The following PARP8 variants were observed in gnomAD, a reference collection of about 807,000 sequenced individuals.
PARP8 encodes the protein poly(ADP-ribose) polymerase family member 8, also known as protein mono-ADP-ribosyltransferase PARP8.
PARP8 carries 51 observed loss-of-function variants against 124.1 expected under a neutral mutation model. The observed-to-expected ratio is 0.41, with a 90% CI of 0.33 to 0.52. The LOEUF (loss-of-function observed/expected upper bound fraction) is 0.52, where lower values mean the gene tolerates loss of function less well. PARP8 is among the 20% of genes least tolerant of loss of function. PARP8 has a pLI of 0.21. For missense variants in PARP8, 860 were observed against 1,018.9 expected (o/e 0.84, Z 2.12); for synonymous variants, 391 against 361.5 (o/e 1.08, Z -0.93).
chr5:50,751,204 A>G (rs1029564816), intron 3 of PARP8, among the ~76,000 whole-genome samples: 5 of 152,136 alleles, frequency 3.3e-5, no homozygotes, highest in Non-Finnish European at 7.4e-5. Context: ...AGATGCCTTT[A>G]GTAAACCAAG....
chr5:50,834,673 T>C (rs770246709), intron 24 of PARP8, among the ~76,000 whole-genome samples: 2 of 152,192 alleles, frequency 1.3e-5, no homozygotes, highest in Non-Finnish European at 2.9e-5. Context: ...AGTCAGGACC[T>C]ATCTGCTTTT....
chr5:50,747,601 A>G (rs1758730682), intron 2 of PARP8, among the ~76,000 whole-genome samples: 1 of 151,844 alleles, frequency 6.6e-6, no homozygotes, highest in African/African-American at 2.4e-5. Flanking sequence ...CTTCTTCCTG[A>G]CGAACTGACA....
intron 2 of PARP8, among the ~76,000 whole-genome samples, chr5:50,746,304 A>G (rs1002769356): frequency 1.3e-5 from 2 of 152,188 alleles, no homozygotes; most frequent in Non-Finnish European, 2.9e-5. Context: ...GTCTCTAAAA[A>G]AGGTAGCACA....
chr5:50,722,153 T>A (rs995410641), intron 2 of PARP8, among the ~76,000 whole-genome samples: 1 of 152,116 alleles, frequency 6.6e-6, no homozygotes, highest in Non-Finnish European at 1.5e-5. Context: ...TTGAGAAAGT[T>A]TTAAGGCTTA....
chr5:50,748,147 A>AT (rs1327231173), intron 2 of PARP8, among the ~76,000 whole-genome samples: 1 of 151,344 alleles, frequency 6.6e-6, no homozygotes, highest in Non-Finnish European at 1.5e-5. Context: ...ATCCAAAATG[A>AT]TTTTTAGAAT....
chr5:50,802,207 C>T (rs1743303776), intron 14 of PARP8, among the ~76,000 whole-genome samples: 1 of 152,028 alleles, frequency 6.6e-6, no homozygotes. Flanking sequence ...TCTAGTGTAC[C>T]ATTTTAATTC....
intron 22 of PARP8, among the ~76,000 whole-genome samples, chr5:50,830,819 C>CGTGTGT (rs10611893): frequency 6.0e-4 from 89 of 147,940 alleles, no homozygotes; most frequent in East Asian, 1.8e-3. Flanking sequence ...TGTGCTCATG[C>CGTGTGT]GTGTGTGTGT....
intron 2 of PARP8, among the ~76,000 whole-genome samples, chr5:50,716,278 A>G (rs1339327375): frequency 6.6e-6 from 1 of 152,148 alleles, no homozygotes; most frequent in African/African-American, 2.4e-5. Flanking sequence ...GATATAGGGT[A>G]GTTCTGATTA....
intron 3 of PARP8, among the ~76,000 whole-genome samples, chr5:50,750,919 G>GA (rs35296988): frequency 0.51 from 77,655 of 151,880 alleles, 22,560 homozygotes; most frequent in East Asian, 0.64. Context: ...GTATTTATAA[G>GA]AAAAATACTT....
chr5:50,784,482 C>T (rs1741018805), intron 9 of PARP8, among the ~76,000 whole-genome samples: 1 of 152,098 alleles, frequency 6.6e-6, no homozygotes, highest in African/African-American at 2.4e-5. Context: ...TGATAAACAA[C>T]TAACCTTACT....
At chr5:50,712,037 G>T (rs548686139) in intron 2 of PARP8, among the ~76,000 whole-genome samples, 1 of 152,170 alleles carries the variant, frequency 6.6e-6, no homozygotes, top group African/African-American at 2.4e-5. Context: ...TTCCACTTCT[G>T]ACAGATATTT....
intron 12 of PARP8, 77 bp from the exon 13 acceptor site, chr5:50,796,905 C>A: frequency 8.0e-7 from 1 of 1,244,258 alleles, no homozygotes; most frequent in Non-Finnish European, 1.1e-6. Flanking sequence ...TTCACTATTG[C>A]AAAGAGTAAA....
In PARP8 at chr5:50,668,140, A is replaced by T. The variant is rs372532151; in HGVS notation, c.146+15A>T. The T allele has an allele frequency of 8.2e-6, 13 of 1,585,688 alleles. No individual in the cohort carries two copies. In the African/African-American group the frequency reaches 1.3e-4, roughly 16 times the overall value. On this transcript the variant is annotated intron_variant, in intron 2 of 25. Coordinates refer to ENST00000281631, the MANE Select transcript of PARP8 (RefSeq NM_024615.4). ...GGCCCCAGAAGGTATTTATGTGTAT[A>T]GAGTTGCTTCATTTCCTGTTCACAC...
chr5:50,785,166 G>A (rs1455400654), intron 9 of PARP8, among the ~76,000 whole-genome samples: 1 of 151,918 alleles, frequency 6.6e-6, no homozygotes, highest in Non-Finnish European at 1.5e-5. Flanking sequence ...AAAATTATAG[G>A]TCATTTAGAT....
chr5:50,834,114 G>A lies in PARP8; in HGVS notation c.2377+66G>A, dbSNP rs1188335000. The A allele has an allele frequency of 3.1e-6, 4 of 1,290,508 alleles. No individual in the cohort carries two copies. The East Asian group carries it at 9.7e-5, about 31-fold the overall frequency. The allele number at this position is 1,290,508 out of a possible 1,614,324, so 79.9% of individuals were successfully genotyped here. A position where few individuals can be genotyped will look rare whatever the true frequency, so the allele number is the denominator to read the frequency against. ...AGCTCATCTATAATTAAAAATATAA[G>A]TATATTTACAGAGTGCTTACGGTGG... is the stretch of plus-strand genomic sequence containing the variant. On this transcript the variant is annotated intron_variant, in intron 24 of 25. Coordinates refer to ENST00000281631, the MANE Select transcript of PARP8 (RefSeq NM_024615.4).
At chr5:50,789,896 T>C (rs1427797745) in intron 10 of PARP8, among the ~76,000 whole-genome samples, 3 of 152,174 alleles carry the variant, frequency 2.0e-5, no homozygotes, top group African/African-American at 7.2e-5. Flanking sequence ...TACTGAGCAA[T>C]ATTCTAAGGG....
chr5:50,677,146 T>A (rs1750724137), intron 2 of PARP8, among the ~76,000 whole-genome samples: 1 of 152,146 alleles, frequency 6.6e-6, no homozygotes, highest in South Asian at 2.1e-4. Flanking sequence ...TTCTTGATTG[T>A]TGATATCACA....
intron 2 of PARP8, among the ~76,000 whole-genome samples, chr5:50,733,941 G>A (rs1015087319): frequency 6.6e-6 from 1 of 152,104 alleles, no homozygotes; most frequent in Non-Finnish European, 1.5e-5. Flanking sequence ...AACTTAAGTT[G>A]TCTTGTCTTA....
intron 2 of PARP8, among the ~76,000 whole-genome samples, chr5:50,675,749 C>T (rs1373879875): frequency 6.6e-6 from 1 of 151,934 alleles, no homozygotes; most frequent in Non-Finnish European, 1.5e-5. Flanking sequence ...CCTTTCACAT[C>T]TGTGAAGGAA....
Sources: gnomAD v4.1 joint callset for allele counts (sites outside exome capture counted in the v4.1 genomes callset) on GRCh38, gnomAD v4.1.1 for gene constraint, MANE v1.5 for transcripts, NCBI Gene and HGNC (gene_info 2026-07-23, HGNC 2026-07-21) for gene names.